Variants in RAPGEF1 observed in about 807,000 individuals in gnomAD.
RAPGEF1 encodes the protein CRK SH3-binding GNRP.
Under a neutral mutation model 143.3 loss-of-function variants are expected in RAPGEF1, and 33 were observed. The observed-to-expected ratio is 0.23, with a 90% CI of 0.17 to 0.31. RAPGEF1 has a LOEUF of 0.31. Among genes scored for constraint, RAPGEF1 ranks in the 10% least tolerant of loss-of-function variants. The pLI, the probability that RAPGEF1 is intolerant of heterozygous loss-of-function variation, is 1.00. For missense variants in RAPGEF1, 1,199 were observed against 1,645.4 expected (o/e 0.73, Z 4.69); for synonymous variants, 629 against 676.5 (o/e 0.93, Z 1.09).
Position 131,605,105 on chromosome 9 carries a change from G to A in RAPGEF1, c.2145C>T (p.Ser715=), listed in dbSNP as rs772939280. 4 of 1,364,964 alleles carry A rather than the reference G, an allele frequency of 2.9e-6. No individual in the cohort carries two copies. The East Asian group carries it at 1.8e-4, about 62-fold the overall frequency. The allele number at this position is 1,364,964 out of a possible 1,614,324, so 84.6% of individuals were successfully genotyped here. A position where few individuals can be genotyped will look rare whatever the true frequency, so the allele number is the denominator to read the frequency against. Residue 715 remains serine, a synonymous_variant, in exon 13 of 27, where the codon TCC becomes TCT. Transcript: ENST00000683357. ...CAGGTGGGAAATGTGGAGAGGAAGA[G>A]GAGGTAGGCGGAAGGAAAGGCGGAA... The part of the protein sequence containing the change: ...ASVPPFLPPT[S]SSSPHFPPAH...
At chr9:131,643,511 A>T in intron 3 of RAPGEF1, 94 bp from the exon 4 acceptor site, 1 of 1,224,064 alleles carries the variant, frequency 8.2e-7, no homozygotes, top group Non-Finnish European at 1.1e-6. Flanking sequence ...CCAGCTTGAG[A>T]TCGATAGGAA....
At chr9:131,712,741 A>C (rs1290411005) in intron 1 of RAPGEF1, among the ~76,000 whole-genome samples, 1 of 152,218 alleles carries the variant, frequency 6.6e-6, no homozygotes, top group African/African-American at 2.4e-5. Flanking sequence ...TATACTGATG[A>C]ACCTTTAGAA....
intron 19 of RAPGEF1, 95 bp from the exon 20 acceptor site, chr9:131,589,081 G>T: frequency 8.3e-7 from 1 of 1,209,738 alleles, no homozygotes; most frequent in South Asian, 1.4e-5. Context: ...ACGGGGCTGT[G>T]ACCGGCACAG....
intron 1 of RAPGEF1, chr9:131,709,677 T>TGCCC: frequency 3.7e-6 from 6 of 1,613,978 alleles, no homozygotes; most frequent in Non-Finnish European, 5.1e-6. Context: ...TCAATAGCAT[T>TGCCC]GCCCATTTTA....
At chr9:131,692,380 A>T (rs568618486) in intron 1 of RAPGEF1, among the ~76,000 whole-genome samples, 29 of 152,348 alleles carry the variant, frequency 1.9e-4, no homozygotes, top group African/African-American at 7.0e-4. Context: ...GTAGGCTGGA[A>T]CGGATCCAGA....
intron 16 of RAPGEF1, among the ~76,000 whole-genome samples, chr9:131,596,718 A>G (rs1012369863): frequency 6.6e-6 from 1 of 151,964 alleles, no homozygotes; most frequent in African/African-American, 2.4e-5. Flanking sequence ...ACCAAACCAC[A>G]AGTCAGAGGT....
At chr9:131,736,794 G>C (rs986998090) in intron 1 of RAPGEF1, among the ~76,000 whole-genome samples, 1 of 152,198 alleles carries the variant, frequency 6.6e-6, no homozygotes, top group African/African-American at 2.4e-5. Context: ...ACATATTTAA[G>C]CAACGTTTCT....
rs140324902 is a variant in RAPGEF1, at chr9:131,680,578, A to G, written c.62-29629T>C. On this transcript the variant is annotated intron_variant, in intron 1 of 26. Transcript: ENST00000683357. ...GCATTCTTAAGCCACGAACAATAGC[A>G]TGAGAGATCTGTGCCTTAAGGACAT... 1.9e-3 allele frequency among the ~76,000 whole-genome samples: 283 copies of G among 152,370 alleles called. 1 individual carries two copies. The highest frequency in any genetic ancestry group is 6.1e-3 in the African/African-American group (254 of 41,588).
At chr9:131,681,904 T>C (rs1315484573) in intron 1 of RAPGEF1, among the ~76,000 whole-genome samples, 1 of 152,204 alleles carries the variant, frequency 6.6e-6, no homozygotes, top group Non-Finnish European at 1.5e-5. Flanking sequence ...CTTAAAAAGA[T>C]GACTGCAGAT....
chr9:131,687,792 C>T (rs948382040), intron 1 of RAPGEF1, among the ~76,000 whole-genome samples: 1 of 152,068 alleles, frequency 6.6e-6, no homozygotes, highest in African/African-American at 2.4e-5. Flanking sequence ...GATCCTCCAC[C>T]CCCATGCCTT....
chr9:131,695,893 T>G (rs975998687), intron 1 of RAPGEF1, among the ~76,000 whole-genome samples: 1 of 152,224 alleles, frequency 6.6e-6, no homozygotes, highest in African/African-American at 2.4e-5. Context: ...AGGCATTCTT[T>G]AGAACTCCTC....
At chr9:131,659,668 G>C (rs1973463797) in intron 1 of RAPGEF1, among the ~76,000 whole-genome samples, 1 of 152,186 alleles carries the variant, frequency 6.6e-6, no homozygotes, top group African/African-American at 2.4e-5. Flanking sequence ...CGTGTGTAAA[G>C]CATGTAGCCA....
chr9:131,635,032 GC>G (rs1965988429), intron 5 of RAPGEF1, among the ~76,000 whole-genome samples: 2 of 152,082 alleles, frequency 1.3e-5, no homozygotes, highest in South Asian at 2.1e-4. Context: ...CGGTGGAAAA[GC>G]AGCCCCAGAG....
chr9:131,737,056 CAGTCTTCCTTGGCAGTTGT>C (rs1157883179), intron 1 of RAPGEF1, among the ~76,000 whole-genome samples: 2 of 152,162 alleles, frequency 1.3e-5, no homozygotes, highest in African/African-American at 2.4e-5. Context: ...AGGCGCGCCC[CAGTCTTCCTTGGCAGTTGT>C]AATCTTTCAC....
chr9:131,694,257 A>C (rs1194358093), intron 1 of RAPGEF1, among the ~76,000 whole-genome samples: 1 of 152,182 alleles, frequency 6.6e-6, no homozygotes, highest in Non-Finnish European at 1.5e-5. Context: ...TTTTTCAGTC[A>C]GGGTTCCAGC....
At chr9:131,734,375 T>G (rs1422826513) in intron 1 of RAPGEF1, among the ~76,000 whole-genome samples, 1 of 152,194 alleles carries the variant, frequency 6.6e-6, no homozygotes, top group East Asian at 1.9e-4. Flanking sequence ...AGTCTATAAA[T>G]GCATTCTGAA....
Position 131,650,462 on chromosome 9 carries a change from G to T in RAPGEF1, c.202-220C>A, listed in dbSNP as rs1451757972. ...AATGATGGATGTTCTGGACATCACAGAGTTCCCTGTGTTTGAGTGTGCGCC... is the reference window on the plus strand; with the variant it reads ...AATGATGGATGTTCTGGACATCACATAGTTCCCTGTGTTTGAGTGTGCGCC... On this transcript the variant is annotated intron_variant, in intron 2 of 26. Transcript: ENST00000683357. This position sits in a 1 kb window ranked among gnomAD's most constrained non-coding sequence, Gnocchi z 4.7. Among the ~76,000 whole-genome samples, 1 of 152,230 alleles carries T rather than the reference G, an allele frequency of 6.6e-6. No individual in the cohort carries two copies. Among genetic ancestry groups the T allele is most frequent in the East Asian group, 1.9e-4 (1 of 5,200 alleles).
chr9:131,716,753 A>G (rs1835891919), intron 1 of RAPGEF1, among the ~76,000 whole-genome samples: 1 of 152,212 alleles, frequency 6.6e-6, no homozygotes, highest in African/African-American at 2.4e-5. Context: ...AGCCCGGGTG[A>G]CAGAGGCAGA....
At chr9:131,646,086 C>T (rs906694301) in intron 3 of RAPGEF1, among the ~76,000 whole-genome samples, 3 of 152,194 alleles carry the variant, frequency 2.0e-5, no homozygotes, top group Admixed American at 6.5e-5. Context: ...GAGGCCAGAT[C>T]GTAGCTACCA....
Sources: gnomAD v4.1 joint callset for allele counts (sites outside exome capture counted in the v4.1 genomes callset) on GRCh38, gnomAD v4.1.1 for gene constraint, Gnocchi (gnomAD v3.1) non-coding constraint, MANE v1.5 for transcripts, NCBI Gene and HGNC (gene_info 2026-07-23, HGNC 2026-07-21) for gene names.